Variants in GNA14 observed in about 807,000 individuals in gnomAD.
GNA14 encodes the protein guanine nucleotide-binding protein subunit alpha-14.
GNA14 carries 50 observed loss-of-function variants against 42.0 expected under a neutral mutation model. The ratio of observed to expected loss-of-function variants is 1.19; its 90% confidence interval spans 0.95 to 1.51. The LOEUF is 1.51. GNA14 is among the 40% of genes most tolerant of loss of function. The pLI is 0.00. For synonymous variants in GNA14, 173 were observed against 163.1 expected, an observed-to-expected ratio of 1.06 and a Z score of -0.46; for missense variants, 473 against 446.2, an observed-to-expected ratio of 1.06 and a Z score of -0.54.
At chr9:77,450,055 G>C (rs80057430) in intron 2 of GNA14, among the ~76,000 whole-genome samples, 6,823 of 152,290 alleles carry the variant, frequency 0.045, 179 homozygotes, top group Middle Eastern at 0.061. Context: ...GGAATTCTGG[G>C]ATTCCGTGGG....
At chr9:77,472,487 C>A (rs1836348853) in intron 2 of GNA14, among the ~76,000 whole-genome samples, 3 of 152,142 alleles carry the variant, frequency 2.0e-5, no homozygotes, top group Non-Finnish European at 4.4e-5. Flanking sequence ...TTAAAATGAT[C>A]TCTATCTGCA....
intron 2 of GNA14, among the ~76,000 whole-genome samples, chr9:77,483,215 C>T (rs372588028): frequency 2.9e-4 from 44 of 152,210 alleles, no homozygotes; most frequent in Admixed American, 2.4e-3. Flanking sequence ...ATGATGGTGA[C>T]GTACAGATGG....
chr9:77,425,113 A>G (rs1347030689), intron 6 of GNA14, among the ~76,000 whole-genome samples: 1 of 152,142 alleles, frequency 6.6e-6, no homozygotes, highest in Non-Finnish European at 1.5e-5. Context: ...TAAATCAAGC[A>G]GAGTCTCTAC....
chr9:77,638,465 G>C (rs1824214206), intron 1 of GNA14, among the ~76,000 whole-genome samples: 1 of 152,154 alleles, frequency 6.6e-6, no homozygotes, highest in Non-Finnish European at 1.5e-5. Context: ...GAGACGTGAA[G>C]ATAAGGAAGA....
intron 1 of GNA14, among the ~76,000 whole-genome samples, chr9:77,591,876 T>C (rs1823395652): frequency 6.6e-6 from 1 of 151,994 alleles, no homozygotes; most frequent in Non-Finnish European, 1.5e-5. Context: ...TGTGAACCAC[T>C]TGAGTTTCTT....
intron 2 of GNA14, among the ~76,000 whole-genome samples, chr9:77,469,192 C>T (rs1316768262): frequency 6.6e-6 from 1 of 151,992 alleles, no homozygotes; most frequent in Non-Finnish European, 1.5e-5. Context: ...TCTCTTCCTT[C>T]TTATGAGACC....
At chr9:77,606,160 T>TA (rs1364769451) in intron 1 of GNA14, among the ~76,000 whole-genome samples, 1 of 152,186 alleles carries the variant, frequency 6.6e-6, no homozygotes, top group Non-Finnish European at 1.5e-5. Flanking sequence ...TCTGTCCTTT[T>TA]AAAGCCTTGA....
chr9:77,608,228 T>C (rs534366833), intron 1 of GNA14, among the ~76,000 whole-genome samples: 51 of 152,328 alleles, frequency 3.3e-4, no homozygotes, highest in African/African-American at 1.1e-3. Context: ...GTCATCTCTT[T>C]TTTCTGATTT....
chr9:77,608,814 C>A (rs1001675356), intron 1 of GNA14, among the ~76,000 whole-genome samples: 7 of 149,338 alleles, frequency 4.7e-5, no homozygotes, highest in African/African-American at 1.5e-4. Context: ...GATGGCCCAA[C>A]ATCCTTCTTT....
chr9:77,596,850 G>T (rs577968980), intron 1 of GNA14, among the ~76,000 whole-genome samples: 37 of 152,098 alleles, frequency 2.4e-4, no homozygotes, highest in Non-Finnish European at 4.7e-4. Context: ...TTTGTGTTTT[G>T]TCTACCTATG....
At chr9:77,425,072 G>A (rs953593801) in intron 6 of GNA14, among the ~76,000 whole-genome samples, 3 of 152,152 alleles carry the variant, frequency 2.0e-5, no homozygotes, top group Admixed American at 1.3e-4. Context: ...AGAAGCACCA[G>A]GTGCTCTGAC....
intron 1 of GNA14, among the ~76,000 whole-genome samples, chr9:77,616,223 G>T (rs773686333): frequency 3.9e-5 from 6 of 152,180 alleles, no homozygotes; most frequent in Non-Finnish European, 8.8e-5. Context: ...CAACATTCTT[G>T]ACTATTTGGA....
intron 1 of GNA14, among the ~76,000 whole-genome samples, chr9:77,562,011 T>G (rs1021343876): frequency 6.6e-6 from 1 of 152,198 alleles, no homozygotes; most frequent in Non-Finnish European, 1.5e-5. Flanking sequence ...TGACTTTCTT[T>G]GAAGTGTCAA....
At chr9:77,584,522 C>T (rs912177173) in intron 1 of GNA14, among the ~76,000 whole-genome samples, 1 of 150,652 alleles carries the variant, frequency 6.6e-6, no homozygotes, top group African/African-American at 2.4e-5. Context: ...CCACCCCCCA[C>T]CACCCCAACC....
At chr9:77,590,775 C>T (rs1263896293) in intron 1 of GNA14, among the ~76,000 whole-genome samples, 1 of 151,876 alleles carries the variant, frequency 6.6e-6, no homozygotes, top group East Asian at 1.9e-4. Flanking sequence ...ATATAAGCAT[C>T]CCACACATGA....
intron 1 of GNA14, among the ~76,000 whole-genome samples, chr9:77,637,672 T>A (rs1177814978): frequency 2.0e-5 from 3 of 152,090 alleles, no homozygotes; most frequent in Non-Finnish European, 4.4e-5. Context: ...GCCTGGGCAA[T>A]AGCAAGACCC....
At chr9:77,592,295 G>GGTGT (rs892451652) in intron 1 of GNA14, among the ~76,000 whole-genome samples, 6 of 152,134 alleles carry the variant, frequency 3.9e-5, no homozygotes, top group African/African-American at 1.4e-4. Context: ...GTAATTGTGT[G>GGTGT]GTGTGTGTGT....
chr9:77,459,651 A>G (rs753735421), intron 2 of GNA14, among the ~76,000 whole-genome samples: 1 of 152,288 alleles, frequency 6.6e-6, no homozygotes, highest in Non-Finnish European at 1.5e-5. Flanking sequence ...GGCTGGGCCT[A>G]TAATTTCTGC....
At chr9:77,493,026 A>AAAAATATATATATAT (rs1554691641) in intron 2 of GNA14, among the ~76,000 whole-genome samples, 1 of 51,710 alleles carries the variant, frequency 1.9e-5, no homozygotes, top group Non-Finnish European at 3.3e-5. Context: ...AAAAAAAAAA[A>AAAAATATATATATAT]ATATATATAT....
Sources: allele counts gnomAD v4.1 joint callset (sites outside exome capture counted in the v4.1 genomes callset), GRCh38; gene constraint gnomAD v4.1.1; transcripts MANE v1.5; gene names NCBI Gene and HGNC (gene_info 2026-07-23, HGNC 2026-07-21).